CDC42BPG: variants seen among roughly 807,000 people sequenced by gnomAD.
The protein encoded by CDC42BPG is CDC42 binding protein kinase gamma, also known as serine/threonine-protein kinase MRCK gamma.
Under a neutral mutation model 192.2 loss-of-function variants are expected in CDC42BPG, and 157 were observed. The observed-to-expected ratio is 0.82, with a 90% CI of 0.72 to 0.93. The LOEUF (loss-of-function observed/expected upper bound fraction) is 0.93. CDC42BPG is among the 40% of genes least tolerant of loss of function. The pLI, the probability that CDC42BPG is intolerant of heterozygous loss-of-function variation, is 0.00. For missense variants in CDC42BPG, 1,992 were observed against 2,122.1 expected, an observed-to-expected ratio of 0.94 and a Z score of 1.20; for synonymous variants, 981 against 918.5, an observed-to-expected ratio of 1.07 and a Z score of -1.23.
At chr11:64,833,688 C>T (rs781366704) in intron 22 of CDC42BPG, 29 bp from the exon 23 acceptor site, 48 of 1,612,732 alleles carry the variant, frequency 3.0e-5, no homozygotes, top group Middle Eastern at 1.7e-4. Flanking sequence ...GCAGGTGAGA[C>T]GGGCAAGGGC....
At chr11:64,828,120 A>G (rs1942519088) in intron 30 of CDC42BPG, among the ~76,000 whole-genome samples, 1 of 152,162 alleles carries the variant, frequency 6.6e-6, no homozygotes, top group Non-Finnish European at 1.5e-5. Context: ...TGGTCCTGAG[A>G]GCTGCGATTT....
chr11:64,843,038 T>G (rs887944309), intron 1 of CDC42BPG, among the ~76,000 whole-genome samples: 25 of 151,650 alleles, frequency 1.6e-4, no homozygotes, highest in Non-Finnish European at 3.2e-4. Context: ...CCCGTGGGAG[T>G]TGAAGCCAGC....
Position 64,832,855 on chromosome 11 carries a change from T to G in CDC42BPG, c.2836A>C (p.Thr946Pro). The stretch of plus-strand genomic sequence containing the variant: ...AGAAAGCCCTCATAGGCAGTGCCTG[T>G]GCCTGTTTCGGGGTGTACTCCCAGG... ...TALGVHPETG[T>P]GTAYEGFLSV... The change falls in exon 25 of 37, where the codon ACA (threonine) becomes CCA (proline). Residue 946 changes from threonine to proline, a missense_variant. Physicochemically the swap from Thr to Pro is conservative, Grantham distance 38. This residue lies in a region of CDC42BPG where 1,656 missense variants were observed against 1,844.3 expected (regional missense o/e 0.90). Coordinates refer to ENST00000342711, the MANE Select transcript of CDC42BPG (RefSeq NM_017525.3). The G allele has an allele frequency of 1.3e-6, 2 of 1,574,408 alleles. No individual in the cohort carries two copies. The highest frequency in any genetic ancestry group is 1.8e-5 in the Admixed American group (1 of 54,402).
chr11:64,836,559 G>C (rs778626575), intron 11 of CDC42BPG, 29 bp from the exon 12 acceptor site: 52 of 1,592,570 alleles, frequency 3.3e-5, no homozygotes, highest in Non-Finnish European at 4.5e-5. Context: ...GAGACCTCGA[G>C]TGCTGGCGGC....
intron 30 of CDC42BPG, among the ~76,000 whole-genome samples, chr11:64,828,189 C>CCATT (rs1942522975): frequency 6.6e-6 from 1 of 152,130 alleles, no homozygotes. Context: ...CCCCAAAGAG[C>CCATT]CATTGCTCAC....
At chr11:64,838,229 C>G in intron 8 of CDC42BPG, 67 bp from the exon 9 acceptor site, 5 of 1,285,220 alleles carry the variant, frequency 3.9e-6, no homozygotes, top group Non-Finnish European at 5.4e-6. Context: ...GGCCCAGGAG[C>G]CCCCTGGGAC....
chr11:64,826,319 G>T lies in CDC42BPG; in HGVS notation c.4599+151C>A, dbSNP rs1048961650. 1.4e-5 allele frequency: 9 copies of T among 649,412 alleles called. No homozygotes were observed. In the Admixed American group the frequency reaches 1.5e-4, roughly 11 times the overall value. The allele number at this position is 649,412 out of a possible 1,614,324, so 40.2% of individuals were successfully genotyped here. A position where few individuals can be genotyped will look rare whatever the true frequency, so the allele number is the denominator to read the frequency against. On this transcript the variant is annotated intron_variant, in intron 36 of 36. Transcript: ENST00000342711. The stretch of plus-strand genomic sequence containing the variant: ...GATCCTGCTGGTGCCCACTGGTGGG[G>T]TGAGACAGGTAAGAATCTGCATCTC...
intron 5 of CDC42BPG, among the ~76,000 whole-genome samples, 170 bp downstream of exon 5, chr11:64,839,950 C>G (rs1025014652): frequency 6.6e-6 from 1 of 152,206 alleles, no homozygotes; most frequent in African/African-American, 2.4e-5. Flanking sequence ...GCAGCAGCCC[C>G]TGCCACAGAG....
intron 30 of CDC42BPG, among the ~76,000 whole-genome samples, chr11:64,828,571 T>C (rs1406919305): frequency 1.3e-5 from 2 of 152,220 alleles, no homozygotes; most frequent in African/African-American, 4.8e-5. Flanking sequence ...TTGGAGCGCC[T>C]ACCAGCTCCA....
intron 8 of CDC42BPG, 66 bp from the exon 9 acceptor site, chr11:64,838,228 GC>G: frequency 1.5e-6 from 2 of 1,332,764 alleles, no homozygotes; most frequent in Non-Finnish European, 2.1e-6. Context: ...AGGCCCAGGA[GC>G]CCCCTGGGAC....
At chr11:64,840,484 C>A (rs535168540) in intron 4 of CDC42BPG, 69 bp downstream of exon 4, 5 of 1,513,698 alleles carry the variant, frequency 3.3e-6, no homozygotes, top group African/African-American at 2.7e-5. Flanking sequence ...GGGCCCAGTG[C>A]CCCTGGCCCC....
Position 64,836,456 on chromosome 11 carries a change from G to A in CDC42BPG, c.1459C>T (p.Leu487=), listed in dbSNP as rs745339918. 6.2e-7 allele frequency: 1 copy of A among 1,613,288 alleles called. No homozygotes were observed. Among genetic ancestry groups the A allele is most frequent in the Non-Finnish European group, 8.5e-7 (1 of 1,179,822 alleles). ...TGAAGTCGGTCAAGCTCCTGCCGTA[G>A]GTCACTGTCCTGACCTGGGCTACCA... is the stretch of plus-strand genomic sequence containing the variant. The part of the protein sequence containing the change: ...PAGSPGQDSD[L]RQELDRLHRE... The change falls in exon 12 of 37, where the codon CTA becomes TTA. Residue 487 remains leucine (L), a synonymous_variant. Transcript: ENST00000342711.
In CDC42BPG at chr11:64,823,161, A is replaced by C. The variant is rs1225306725; in HGVS notation, c.*1312T>G. Among the ~76,000 whole-genome samples, 1 of 146,872 alleles carries C rather than the reference A, an allele frequency of 6.8e-6. No individual in the cohort carries two copies. Among genetic ancestry groups the C allele is most frequent in the Non-Finnish European group, 1.5e-5 (1 of 67,156 alleles). The stretch of plus-strand genomic sequence containing the variant: ...GAGTGCAGTGGCGCGATCTCGGCTC[A>C]CTGCAAGCTCCGCCTCCCGGGTTCA... On this transcript the variant is annotated 3_prime_UTR_variant, in exon 37 of 37. Transcript: ENST00000342711.
chr11:64,835,058 G>A lies in CDC42BPG; in HGVS notation c.2049C>T (p.Asp683=). The change falls in exon 17 of 37, where the codon GAC becomes GAT. Residue 683 remains aspartate (D), a synonymous_variant. Transcript: ENST00000342711. ...TESNWEAQLA[D]ILSWVNDEKV... is the part of the protein sequence containing the mutation. ...CCCCTGGCACCCACCAGCTGAGGAT[G>A]TCGGCGAGCTGGGCCTCCCAGTTGC... 2 of 1,548,854 alleles carry A rather than the reference G, an allele frequency of 1.3e-6. No individual in the cohort carries two copies. The highest frequency in any genetic ancestry group is 1.8e-6 in the Non-Finnish European group (2 of 1,141,274).
chr11:64,838,459 C>G (rs180741075), intron 8 of CDC42BPG, among the ~76,000 whole-genome samples, 195 bp downstream of exon 8: 1 of 152,196 alleles, frequency 6.6e-6, no homozygotes, highest in African/African-American at 2.4e-5. Context: ...GATGCTCCCC[C>G]ACCCCAGTTT....
At chr11:64,828,774 G>A (rs552239338) in intron 30 of CDC42BPG, among the ~76,000 whole-genome samples, 4 of 152,300 alleles carry the variant, frequency 2.6e-5, no homozygotes, top group African/African-American at 7.2e-5. Flanking sequence ...AAATTAGGCT[G>A]GACGCGTTGG....
Position 64,839,528 on chromosome 11 carries a change from T to C in CDC42BPG, c.625A>G (p.Ile209Val), listed in dbSNP as rs746877462. 3 of 1,613,238 alleles carry C rather than the reference T, an allele frequency of 1.9e-6. No homozygotes were observed. The highest frequency in any genetic ancestry group is 1.7e-6 in the Non-Finnish European group (2 of 1,179,984). ...CAGGAGCCGAAGTCAGCCAGGCGAA[T>C]GTGCCCGTTCACATCCAGCAGGACG... The part of the protein sequence containing the change: ...DNVLLDVNGH[I>V]RLADFGSCLR... Residue 209 changes from isoleucine (I) to valine (V), a missense_variant, in exon 6 of 37, where the codon ATT becomes GTT. Ile to Val is a conservative substitution (Grantham distance 29). This residue lies in a region of CDC42BPG where 1,656 missense variants were observed against 1,844.3 expected (regional missense o/e 0.90). Transcript: ENST00000342711.
chr11:64,839,376 C>T (rs888495660), intron 6 of CDC42BPG, 102 bp downstream of exon 6: 51 of 1,494,412 alleles, frequency 3.4e-5, no homozygotes, highest in African/African-American at 2.3e-4. Flanking sequence ...CCACCTTCCC[C>T]GGGGGGCCTG....
Position 64,827,336 on chromosome 11 carries a change from T to G in CDC42BPG, c.4213A>C (p.Lys1405Gln). 1 of 1,614,078 alleles carries G rather than the reference T, an allele frequency of 6.2e-7. No individual in the cohort carries two copies. Reference sequence around the variant, plus strand: ...CGGAAAAAGAAGCGGCGCTTGCTCTTGGTGCGGAACAGCTGGCGCCGGCTG... The same window carrying G: ...CGGAAAAAGAAGCGGCGCTTGCTCTGGGTGCGGAACAGCTGGCGCCGGCTG... Reference protein sequence around the residue: ...DNSRRQLFRTKSKRRFFFRVS... With the variant: ...DNSRRQLFRTQSKRRFFFRVS... Residue 1405 changes from lysine (K) to glutamine (Q), a missense_variant, in exon 33 of 37, where the codon AAG becomes CAG. Lys to Gln is a moderately conservative substitution (Grantham distance 53, BLOSUM62 1). Transcript: ENST00000342711.
Sources: allele counts gnomAD v4.1 joint callset (sites outside exome capture counted in the v4.1 genomes callset), GRCh38; gene constraint gnomAD v4.1.1; regional missense constraint gnomAD v4.1.1; transcripts MANE v1.5; gene names NCBI Gene and HGNC (gene_info 2026-07-23, HGNC 2026-07-21).